Variants in HS3ST5 observed in about 807,000 individuals in gnomAD.
The protein encoded by HS3ST5 is heparan sulfate-glucosamine 3-sulfotransferase 5.
Under a neutral mutation model 25.4 loss-of-function variants are expected in HS3ST5, and 10 were observed. That is an observed-to-expected ratio of 0.39 (90% CI 0.24 to 0.67). The LOEUF is 0.67. HS3ST5 is among the 30% of genes least tolerant of loss of function. HS3ST5 has a pLI of 0.44. For synonymous variants in HS3ST5, 170 were observed against 162.4 expected, an observed-to-expected ratio of 1.05 and a Z score of -0.36; for missense variants, 324 against 420.7, an observed-to-expected ratio of 0.77 and a Z score of 2.01.
chr6:114,218,674 G>T (rs978185535), intron 2 of HS3ST5, among the ~76,000 whole-genome samples: 1 of 152,192 alleles, frequency 6.6e-6, no homozygotes, highest in African/African-American at 2.4e-5. Flanking sequence ...AATGAAAAAT[G>T]CCATTCCCTG....
intron 2 of HS3ST5, among the ~76,000 whole-genome samples, chr6:114,198,579 A>G (rs1467844220): frequency 6.6e-6 from 1 of 152,222 alleles, no homozygotes; most frequent in Non-Finnish European, 1.5e-5. Flanking sequence ...TGTTCTACAC[A>G]TCGGCAGAGC....
chr6:114,068,411 A>G (rs780330404), intron 3 of HS3ST5, among the ~76,000 whole-genome samples: 12 of 152,238 alleles, frequency 7.9e-5, no homozygotes, highest in Non-Finnish European at 1.6e-4. Flanking sequence ...AAACTTCCCC[A>G]GGGAAAACCA....
chr6:114,157,363 A>G (rs1044511989), intron 3 of HS3ST5, among the ~76,000 whole-genome samples: 1 of 152,206 alleles, frequency 6.6e-6, no homozygotes, highest in Non-Finnish European at 1.5e-5. Flanking sequence ...TGATCAAGAC[A>G]TTCACATTTA....
intron 3 of HS3ST5, among the ~76,000 whole-genome samples, chr6:114,154,534 T>C (rs1310005778): frequency 1.1e-4 from 16 of 152,162 alleles, no homozygotes; most frequent in Admixed American, 1.0e-3. Flanking sequence ...TTAGATTAGA[T>C]GTATCAAAAC....
chr6:114,215,519 C>A (rs999308347), intron 2 of HS3ST5, among the ~76,000 whole-genome samples: 1 of 152,154 alleles, frequency 6.6e-6, no homozygotes, highest in East Asian at 1.9e-4. Context: ...ATGGATATGA[C>A]CCTTCTGCCC....
chr6:114,332,444 A>C (rs1006314573), intron 1 of HS3ST5, among the ~76,000 whole-genome samples: 4 of 152,208 alleles, frequency 2.6e-5, no homozygotes, highest in Non-Finnish European at 5.9e-5. Context: ...TCTCAGATCC[A>C]GCACACTGCC....
chr6:114,223,446 T>C (rs1039582298), intron 2 of HS3ST5, among the ~76,000 whole-genome samples: 3 of 151,736 alleles, frequency 2.0e-5, no homozygotes, highest in Admixed American at 6.6e-5. Context: ...TTAACTGAGC[T>C]TAGGAGTCTG....
At chr6:114,259,668 T>C (rs1421812617) in intron 1 of HS3ST5, among the ~76,000 whole-genome samples, 1 of 152,252 alleles carries the variant, frequency 6.6e-6, no homozygotes, top group Non-Finnish European at 1.5e-5. Context: ...GGTACGTCAA[T>C]GTATTCATTT....
rs554562956 is a variant in HS3ST5, at chr6:114,327,631, A to G, written c.-339+14564T>C. ...TGTGAAAACACGCTATATTATCCCA[A>G]CAAACATAAGGTCCAGACATGCAAC... On this transcript the variant is annotated intron_variant, in intron 1 of 4. Coordinates refer to ENST00000312719, the MANE Select transcript of HS3ST5 (RefSeq NM_153612.4). 2.4e-4 allele frequency among the ~76,000 whole-genome samples: 37 copies of G among 152,220 alleles called. 1 individual carries two copies. The South Asian group carries it at 7.5e-3, about 31-fold the overall frequency.
intron 3 of HS3ST5, among the ~76,000 whole-genome samples, chr6:114,124,590 G>T (rs1776947264): frequency 6.7e-6 from 1 of 148,326 alleles, no homozygotes; most frequent in Non-Finnish European, 1.5e-5. Flanking sequence ...CCATTACTAT[G>T]GTTCAGTTTT....
intron 1 of HS3ST5, among the ~76,000 whole-genome samples, chr6:114,264,533 A>AAG (rs1773320239): frequency 7.6e-6 from 1 of 132,244 alleles, no homozygotes; most frequent in African/African-American, 2.7e-5. Flanking sequence ...AGTGAGGTTG[A>AAG]ATAGATGTTC....
intron 1 of HS3ST5, among the ~76,000 whole-genome samples, chr6:114,263,302 T>A (rs1773259033): frequency 6.6e-6 from 1 of 152,142 alleles, no homozygotes; most frequent in Admixed American, 6.5e-5. Flanking sequence ...CAGAAAATTA[T>A]AGCCTCCATC....
chr6:114,229,697 G>A (rs1771483054), intron 1 of HS3ST5, among the ~76,000 whole-genome samples: 1 of 152,182 alleles, frequency 6.6e-6, no homozygotes, highest in African/African-American at 2.4e-5. Flanking sequence ...GAAGTATGCT[G>A]GGTAAGAAAT....
At chr6:114,306,278 C>CATAT (rs532519086) in intron 1 of HS3ST5, among the ~76,000 whole-genome samples, 6 of 141,544 alleles carry the variant, frequency 4.2e-5, no homozygotes, top group Non-Finnish European at 6.1e-5. Flanking sequence ...CACACACACA[C>CATAT]ATATATATAT....
At chr6:114,171,044 T>G (rs1401050040) in intron 2 of HS3ST5, among the ~76,000 whole-genome samples, 2 of 152,216 alleles carry the variant, frequency 1.3e-5, no homozygotes, top group African/African-American at 4.8e-5. Flanking sequence ...GCATAGCTAA[T>G]GTGTAATGAA....
intron 2 of HS3ST5, among the ~76,000 whole-genome samples, chr6:114,220,234 A>AT (rs1489816076): frequency 6.6e-6 from 1 of 152,046 alleles, no homozygotes; most frequent in Non-Finnish European, 1.5e-5. Context: ...CAAATGCATA[A>AT]TTTTTTATGA....
chr6:114,137,559 G>A (rs1457783059), intron 3 of HS3ST5, among the ~76,000 whole-genome samples: 1 of 152,170 alleles, frequency 6.6e-6, no homozygotes, highest in African/African-American at 2.4e-5. Context: ...CAGAAAATAA[G>A]AGGACCTTTT....
intron 4 of HS3ST5, among the ~76,000 whole-genome samples, chr6:114,062,090 A>G (rs1015244969): frequency 6.6e-6 from 1 of 152,202 alleles, no homozygotes; most frequent in Non-Finnish European, 1.5e-5. Flanking sequence ...GACTTCTGCA[A>G]GTCCAATACC....
chr6:114,295,821 T>C (rs1279496401), intron 1 of HS3ST5, among the ~76,000 whole-genome samples: 1 of 152,212 alleles, frequency 6.6e-6, no homozygotes, highest in Non-Finnish European at 1.5e-5. Flanking sequence ...CATATCCAAG[T>C]GGCTTCTTCA....
Sources: allele counts gnomAD v4.1 joint callset (sites outside exome capture counted in the v4.1 genomes callset), GRCh38; gene constraint gnomAD v4.1.1; transcripts MANE v1.5; gene names NCBI Gene and HGNC (gene_info 2026-07-23, HGNC 2026-07-21).